The following NAV3 variants were observed in gnomAD, a reference collection of about 807,000 sequenced individuals.
The protein encoded by NAV3 is pore membrane and/or filament interacting like protein 1.
In NAV3, 87 loss-of-function variants were observed where a neutral mutation model predicts 244.7. The observed-to-expected ratio is 0.36, with a 90% CI of 0.30 to 0.42. The LOEUF (loss-of-function observed/expected upper bound fraction) is 0.42, where lower values mean the gene tolerates loss of function less well. NAV3 is among the 20% of genes least tolerant of loss of function. NAV3 has a pLI of 1.00. For missense variants in NAV3, 2,663 were observed against 2,893.3 expected (o/e 0.92, Z 1.83); for synonymous variants, 1,126 against 1,042.2 (o/e 1.08, Z -1.55).
chr12:78,028,373 A>T (rs1389683232), intron 9 of NAV3, among the ~76,000 whole-genome samples: 4 of 152,210 alleles, frequency 2.6e-5, no homozygotes, highest in Non-Finnish European at 4.4e-5. Context: ...ATTTGTGGTG[A>T]TAAATAGTGA....
intron 2 of NAV3, among the ~76,000 whole-genome samples, chr12:77,589,098 A>G (rs932020579): frequency 6.6e-6 from 1 of 152,214 alleles, no homozygotes; most frequent in Non-Finnish European, 1.5e-5. Flanking sequence ...CTAGGTACTA[A>G]GACAAAAATT....
chr12:77,915,850 ACCCTGT>A, intron 1 of NAV3, among the ~76,000 whole-genome samples: 1 of 152,090 alleles, frequency 6.6e-6, no homozygotes, highest in East Asian at 1.9e-4. Context: ...TGTGACCTAG[ACCCTGT>A]CCCCACCACT....
chr12:77,598,638 G>T (rs903256442), intron 2 of NAV3, among the ~76,000 whole-genome samples: 5 of 151,892 alleles, frequency 3.3e-5, no homozygotes, highest in Non-Finnish European at 5.9e-5. Context: ...TGGAGAATTT[G>T]GTCATATGGA....
chr12:77,846,489 G>A (rs1489167917), intron 1 of NAV3, among the ~76,000 whole-genome samples: 7 of 152,278 alleles, frequency 4.6e-5, no homozygotes, highest in African/African-American at 1.4e-4. Flanking sequence ...ATTTTAGTGC[G>A]CAGTGTCTTG....
intron 5 of NAV3, among the ~76,000 whole-genome samples, chr12:77,993,004 G>A (rs571330114): frequency 5.9e-5 from 9 of 152,230 alleles, no homozygotes; most frequent in African/African-American, 9.6e-5. Flanking sequence ...GAGAGGGTTT[G>A]GTGTAAGAAT....
At position 77,831,189 on chromosome 12, in the gene NAV3, G is replaced by GAAAGAC. The variant is rs1204921341; in HGVS notation, c.-272_-271insAAGACA. ...AGAGACAGAGAGAGAGAGAGAGAGA[G>GAAAGAC]AGAGACAGAGAGAGAGAGAGAGAGA... On this transcript the variant is annotated 5_prime_UTR_variant, in exon 1 of 40. Transcript: ENST00000397909. 7.9e-6 allele frequency: 1 copy of GAAAGAC among 126,006 alleles called. No individual in the cohort carries two copies. Among genetic ancestry groups the GAAAGAC allele is most frequent in the Non-Finnish European group, 1.5e-5 (1 of 65,404 alleles). 7.8% of individuals were successfully genotyped at this position (126,006 alleles called of 1,614,324 possible). A position where few individuals can be genotyped will look rare whatever the true frequency, so the allele number is the denominator to read the frequency against.
chr12:77,612,659 A>T (rs1592503464), intron 2 of NAV3, among the ~76,000 whole-genome samples: 1 of 152,102 alleles, frequency 6.6e-6, no homozygotes, highest in African/African-American at 2.4e-5. Flanking sequence ...TTTCCCTAGC[A>T]TTGCTTTATT....
intron 11 of NAV3, among the ~76,000 whole-genome samples, chr12:78,051,400 T>C (rs907599129): frequency 2.0e-5 from 3 of 152,222 alleles, no homozygotes; most frequent in African/African-American, 7.2e-5. Context: ...GCTTCTGTTT[T>C]TCAGAGTGAT....
At chr12:78,191,422 A>C (rs1222201750) in intron 34 of NAV3, among the ~76,000 whole-genome samples, 2 of 152,158 alleles carry the variant, frequency 1.3e-5, no homozygotes, top group Non-Finnish European at 2.9e-5. Context: ...ATACACACAC[A>C]TATGCACAGT....
rs779122982 is a variant in NAV3, at chr12:78,190,040, A to G, written c.6112A>G (p.Ile2038Val). The G allele has an allele frequency of 6.2e-7, 1 of 1,613,206 alleles. No individual in the cohort carries two copies. Among genetic ancestry groups the G allele is most frequent in the Non-Finnish European group, 8.5e-7 (1 of 1,179,444 alleles). The change falls in exon 34 of 40, where the codon ATT (isoleucine) becomes GTT (valine). Residue 2038 changes from isoleucine to valine, a missense_variant. This residue lies in a region of NAV3 where 543 missense variants were observed against 672.4 expected (regional missense o/e 0.81). Transcript: ENST00000397909. ...FVFDTLIPKP[I>V]TQRYFNLLME... Reference sequence around the variant, plus strand: ...TTTTGATACGCTGATTCCTAAACCAATTACCCAAAGGTACTTTAACTTGTT... The same window carrying G: ...TTTTGATACGCTGATTCCTAAACCAGTTACCCAAAGGTACTTTAACTTGTT...
At chr12:77,966,154 TG>T in intron 3 of NAV3, 74 bp from the exon 4 acceptor site, 1 of 1,181,906 alleles carries the variant, frequency 8.5e-7, no homozygotes, top group Non-Finnish European at 1.3e-6. Context: ...TCGTTCTTTC[TG>T]GTTTCATTTT....
intron 8 of NAV3, among the ~76,000 whole-genome samples, chr12:78,015,847 AT>A (rs1203911620): frequency 6.6e-6 from 1 of 152,054 alleles, no homozygotes; most frequent in African/African-American, 2.4e-5. Context: ...TGTCTTCTGC[AT>A]TTTCTCTCTG....
chr12:77,851,792 T>C (rs746374287), intron 1 of NAV3, among the ~76,000 whole-genome samples: 1 of 152,224 alleles, frequency 6.6e-6, no homozygotes, highest in African/African-American at 2.4e-5. Flanking sequence ...AATACCAGCT[T>C]CAGTGTCTAT....
intron 2 of NAV3, among the ~76,000 whole-genome samples, chr12:77,715,760 A>AT (rs961461042): frequency 7.2e-5 from 11 of 151,890 alleles, no homozygotes; most frequent in African/African-American, 2.2e-4. Flanking sequence ...TGATTTGGTC[A>AT]TTTTTTTACT....
At chr12:77,893,138 C>A (rs1592918939) in intron 1 of NAV3, among the ~76,000 whole-genome samples, 1 of 152,082 alleles carries the variant, frequency 6.6e-6, no homozygotes, top group Admixed American at 6.6e-5. Context: ...TGTAAAGGAT[C>A]TTTATAAATA....
intron 2 of NAV3, among the ~76,000 whole-genome samples, chr12:77,703,234 C>T (rs1875640138): frequency 6.6e-6 from 1 of 152,008 alleles, no homozygotes; most frequent in Non-Finnish European, 1.5e-5. Flanking sequence ...TTTTCTGTCC[C>T]TAAAGTTTCT....
chr12:78,026,737 T>C (rs190992759), intron 9 of NAV3, among the ~76,000 whole-genome samples: 15 of 152,132 alleles, frequency 9.9e-5, no homozygotes, highest in Non-Finnish European at 2.1e-4. Flanking sequence ...GTTCTTCTTT[T>C]TTCTACTTTT....
intron 12 of NAV3, among the ~76,000 whole-genome samples, chr12:78,066,026 G>GTCTT (rs1210849713): frequency 1.3e-5 from 2 of 152,100 alleles, no homozygotes; most frequent in African/African-American, 2.4e-5. Context: ...TGGAGGTAAG[G>GTCTT]TCTTTGGGAA....
intron 2 of NAV3, among the ~76,000 whole-genome samples, chr12:77,599,066 C>T (rs566681121): frequency 6.6e-6 from 1 of 152,020 alleles, no homozygotes; most frequent in South Asian, 2.1e-4. Flanking sequence ...ACATTCTACT[C>T]TCTGCTTCTA....
Sources: allele counts gnomAD v4.1 joint callset (sites outside exome capture counted in the v4.1 genomes callset), GRCh38; gene constraint gnomAD v4.1.1; regional missense constraint gnomAD v4.1.1; transcripts MANE v1.5; gene names NCBI Gene and HGNC (gene_info 2026-07-23, HGNC 2026-07-21).